The following ABCC1 variants were observed in gnomAD, a reference collection of about 807,000 sequenced individuals.
ABCC1 encodes multidrug resistance-associated protein 1.
A neutral mutation model predicts 172.9 loss-of-function variants in ABCC1; 83 were observed. The ratio of observed to expected loss-of-function variants is 0.48; its 90% CI spans 0.40 to 0.58. The LOEUF (loss-of-function observed/expected upper bound fraction) is 0.58. Ranked by LOEUF, ABCC1 falls within the 20% of genes least tolerant of loss-of-function variation. The probability of loss-of-function intolerance (pLI) is 0.00; values close to 1 mark genes in which losing one functional copy is unlikely to be tolerated. For missense variants in ABCC1, 1,817 were observed against 2,002.7 expected, an observed-to-expected ratio of 0.91 and a Z score of 1.77; for synonymous variants, 937 against 825.2, an observed-to-expected ratio of 1.14 and a Z score of -2.32.
At chr16:16,023,676 AC>A (rs2048272403) in intron 5 of ABCC1, among the ~76,000 whole-genome samples, 1 of 152,174 alleles carries the variant, frequency 6.6e-6, no homozygotes, top group South Asian at 2.1e-4. Context: ...TGCAGGATGG[AC>A]AGTGGGGGCT....
At chr16:15,959,209 T>G (rs955665845) in intron 1 of ABCC1, among the ~76,000 whole-genome samples, 12 of 152,226 alleles carry the variant, frequency 7.9e-5, no homozygotes, top group African/African-American at 2.9e-4. Context: ...GAGAAGAAAC[T>G]TGCGGCAGTT....
At chr16:16,083,345 C>T (rs45460392) in intron 16 of ABCC1, 21 bp from the exon 17 acceptor site, 131 of 1,610,122 alleles carry the variant, frequency 8.1e-5, no homozygotes, top group Non-Finnish European at 6.5e-5. Context: ...TGTCTCACCT[C>T]GTTCTCCATT....
chr16:15,984,133 A>G (rs2046691363), intron 1 of ABCC1, among the ~76,000 whole-genome samples: 1 of 152,166 alleles, frequency 6.6e-6, no homozygotes, highest in South Asian at 2.1e-4. Context: ...CCCAAGTGGC[A>G]ATCAGTAGGG....
At chr16:16,084,560 C>T (rs2050935180) in intron 17 of ABCC1, among the ~76,000 whole-genome samples, 1 of 145,986 alleles carries the variant, frequency 6.8e-6, no homozygotes, top group Non-Finnish European at 1.5e-5. Flanking sequence ...GGCAGGGTTT[C>T]ACCATGTTGG....
At chr16:16,047,117 C>A (rs1033781696) in intron 9 of ABCC1, among the ~76,000 whole-genome samples, 27 of 152,202 alleles carry the variant, frequency 1.8e-4, no homozygotes, top group African/African-American at 6.5e-4. Context: ...AGAATCACTT[C>A]AGCCCCGGAG....
At chr16:16,016,984 TAA>T (rs3837750) in intron 5 of ABCC1, among the ~76,000 whole-genome samples, 105,691 of 151,830 alleles carry the variant, frequency 0.7, 37,344 homozygotes, top group Non-Finnish European at 0.75. Context: ...ATTAGGCCTA[TAA>T]TCCTACAGGG....
At chr16:16,063,944 C>T (rs1244310704) in intron 12 of ABCC1, among the ~76,000 whole-genome samples, 1 of 152,112 alleles carries the variant, frequency 6.6e-6, no homozygotes, top group African/African-American at 2.4e-5. Context: ...AGGGCTAGGT[C>T]ATGTCTTTCA....
chr16:15,976,986 C>T (rs2046510476), intron 1 of ABCC1, among the ~76,000 whole-genome samples: 1 of 152,144 alleles, frequency 6.6e-6, no homozygotes, highest in African/African-American at 2.4e-5. Flanking sequence ...CCCTGCCTGC[C>T]CCTGGGCCAT....
At chr16:16,085,353 C>T (rs963132055) in intron 17 of ABCC1, among the ~76,000 whole-genome samples, 1 of 152,212 alleles carries the variant, frequency 6.6e-6, no homozygotes, top group African/African-American at 2.4e-5. Context: ...GGTGTGTCCC[C>T]TCTTGGAAGA....
In ABCC1 at chr16:16,036,607, AGT is replaced by A. The variant is rs2048768860; in HGVS notation, c.809+8_809+9del. The A allele has an allele frequency of 6.2e-7, 1 of 1,613,204 alleles. No individual in the cohort carries two copies. Among genetic ancestry groups the A allele is most frequent in the Non-Finnish European group, 8.5e-7 (1 of 1,179,570 alleles). Reference sequence around the variant, plus strand: ...AGGAATGCGCCAAGACTAGGAAGTAAGTGTGAGTTTCCTTGTCCTCCAGGATG... The same window carrying A: ...AGGAATGCGCCAAGACTAGGAAGTAAGTGAGTTTCCTTGTCCTCCAGGATG... On this transcript the variant is annotated splice_donor_5th_base_variant and intron_variant, in intron 7 of 30. Coordinates refer to ENST00000399410, the MANE Select transcript of ABCC1 (RefSeq NM_004996.4).
intron 19 of ABCC1, among the ~76,000 whole-genome samples, chr16:16,092,899 G>A (rs2051311417): frequency 1.3e-5 from 2 of 152,196 alleles, no homozygotes; most frequent in Non-Finnish European, 2.9e-5. Context: ...TGAGGTGGGG[G>A]AATCGCTTGA....
rs2045365114 is a variant in ABCC1 at position 16,124,876 on chromosome 16, T to C, written c.3678T>C (p.Ser1226=). Residue 1226 remains serine, a synonymous_variant, in exon 25 of 31, where the codon AGT becomes AGC. Transcript: ENST00000399410. Reference sequence around the variant, plus strand: ...CGGTGATCTCCAGGCACAGCCTCAGTGCTGGCTTGGTGGGCCTCTCAGTGT... The same window carrying C: ...CGGTGATCTCCAGGCACAGCCTCAGCGCTGGCTTGGTGGGCCTCTCAGTGT... The part of the protein sequence containing the change: ...LFAVISRHSL[S]AGLVGLSVSY... The C allele has an allele frequency of 3.1e-6, 5 of 1,614,210 alleles. No homozygotes were observed. The highest frequency in any genetic ancestry group is 3.4e-6 in the Non-Finnish European group (4 of 1,180,034).
chr16:16,099,556 A>G (rs2051633599), intron 19 of ABCC1, among the ~76,000 whole-genome samples: 1 of 152,226 alleles, frequency 6.6e-6, no homozygotes, highest in Non-Finnish European at 1.5e-5. Context: ...TCAAAGGCAG[A>G]ACTGAGCAAG....
chr16:16,083,663 G>A, intron 17 of ABCC1, 121 bp downstream of exon 17: 6 of 1,331,748 alleles, frequency 4.5e-6, no homozygotes, highest in African/African-American at 1.5e-5. Context: ...GGCTCAGCTG[G>A]GCGGCTCTGC....
chr16:16,071,698 T>C lies in ABCC1; in HGVS notation c.1881T>C (p.Pro627=). ...TTCTCTCCCATGAGGAGCTGGAACC[T>C]GACAGCATCGAGCGACGGCCTGTCA... ...RIFLSHEELE[P]DSIERRPVKD... The change falls in exon 14 of 31, where the codon CCT becomes CCC. Residue 627 remains proline (P), a synonymous_variant. Transcript: ENST00000399410. 1.2e-6 allele frequency: 2 copies of C among 1,614,034 alleles called. No individual in the cohort carries two copies. Among genetic ancestry groups the C allele is most frequent in the Non-Finnish European group, 1.7e-6 (2 of 1,179,986 alleles).
At chr16:16,117,414 G>C (rs571087116) in intron 23 of ABCC1, among the ~76,000 whole-genome samples, 208 of 152,284 alleles carry the variant, frequency 1.4e-3, no homozygotes, top group African/African-American at 4.7e-3. Flanking sequence ...GACACATGGG[G>C]ATTAAGGGAA....
chr16:16,082,678 C>G (rs952215825), intron 16 of ABCC1, among the ~76,000 whole-genome samples: 3 of 152,228 alleles, frequency 2.0e-5, no homozygotes, highest in Non-Finnish European at 4.4e-5. Flanking sequence ...GGATCTTGCT[C>G]TGTGGTCCAG....
At chr16:16,136,876 C>T (rs2045935333) in intron 29 of ABCC1, among the ~76,000 whole-genome samples, 1 of 152,132 alleles carries the variant, frequency 6.6e-6, no homozygotes, top group African/African-American at 2.4e-5. Flanking sequence ...TCCTTTTATA[C>T]ACACCAGCTC....
intron 23 of ABCC1, among the ~76,000 whole-genome samples, chr16:16,117,021 C>A (rs1028038647): frequency 6.6e-6 from 1 of 152,140 alleles, no homozygotes; most frequent in Admixed American, 6.6e-5. Flanking sequence ...GCGGATGGGA[C>A]TGGGGGGGAT....
Sources: allele counts gnomAD v4.1 joint callset (sites outside exome capture counted in the v4.1 genomes callset), GRCh38; gene constraint gnomAD v4.1.1; transcripts MANE v1.5; gene names NCBI Gene and HGNC (gene_info 2026-07-23, HGNC 2026-07-21).